The following SPOCK3 variants were observed in gnomAD, a reference collection of about 807,000 sequenced individuals.
SPOCK3 encodes testican-3.
In SPOCK3, 30 loss-of-function variants were observed where a neutral mutation model predicts 56.6. The ratio of observed to expected loss-of-function variants is 0.53; its 90% CI spans 0.40 to 0.72. SPOCK3 has a LOEUF of 0.72. SPOCK3 is among the 30% of genes least tolerant of loss of function. The pLI is 0.00. For synonymous variants in SPOCK3, 196 were observed against 183.3 expected, an observed-to-expected ratio of 1.07 and a Z score of -0.56; for missense variants, 527 against 530.0, an observed-to-expected ratio of 0.99 and a Z score of 0.06.
At chr4:166,984,322 T>C (rs1210027550) in intron 4 of SPOCK3, among the ~76,000 whole-genome samples, 1 of 152,096 alleles carries the variant, frequency 6.6e-6, no homozygotes, top group Non-Finnish European at 1.5e-5. Flanking sequence ...GGAATTAGGA[T>C]ATAAAACATC....
rs934383719 is a variant in SPOCK3 at position 167,017,268 on chromosome 4, C to T, written c.236-16805G>A. Among the ~76,000 whole-genome samples, 4 of 152,082 alleles carry T rather than the reference C, an allele frequency of 2.6e-5. No homozygotes were observed. The East Asian group carries it at 5.8e-4, about 22-fold the overall frequency. The stretch of plus-strand genomic sequence containing the variant: ...TTGTACAGTAACACAGAGGCCATCA[C>T]ACAAAACCGTCCTGGGACAGTCTCA... On this transcript the variant is annotated intron_variant, in intron 3 of 10. Transcript: ENST00000357545.
intron 3 of SPOCK3, among the ~76,000 whole-genome samples, chr4:167,025,803 T>C (rs1040048686): frequency 6.6e-6 from 1 of 152,120 alleles, no homozygotes; most frequent in East Asian, 1.9e-4. Context: ...GGATTTCCTC[T>C]GAGGAATGCA....
chr4:167,102,708 G>T, intron 2 of SPOCK3, among the ~76,000 whole-genome samples: 1 of 151,926 alleles, frequency 6.6e-6, no homozygotes, highest in South Asian at 2.1e-4. Context: ...ACCACTCCTA[G>T]CTAGAGGAGA....
chr4:166,991,575 G>T (rs1489111971), intron 4 of SPOCK3, among the ~76,000 whole-genome samples: 5 of 151,766 alleles, frequency 3.3e-5, no homozygotes, highest in African/African-American at 1.2e-4. Flanking sequence ...TCACCATATT[G>T]GCCAGGCTCA....
intron 2 of SPOCK3, among the ~76,000 whole-genome samples, chr4:167,080,735 T>C (rs950128016): frequency 1.1e-3 from 170 of 151,952 alleles, no homozygotes; most frequent in African/African-American, 4.0e-3. Context: ...GATAGAAAAA[T>C]AAATGGCATG....
At chr4:167,229,709 C>T (rs1464805030) in intron 2 of SPOCK3, among the ~76,000 whole-genome samples, 1 of 152,074 alleles carries the variant, frequency 6.6e-6, no homozygotes. Context: ...AATTTGAGTG[C>T]CTCTGAGACA....
At chr4:167,004,278 T>C (rs1017235861) in intron 3 of SPOCK3, among the ~76,000 whole-genome samples, 1 of 152,056 alleles carries the variant, frequency 6.6e-6, no homozygotes, top group African/African-American at 2.4e-5. Context: ...TTTACAAGAA[T>C]ATAGGACCCA....
At chr4:166,918,058 T>TA (rs1738071641) in intron 4 of SPOCK3, among the ~76,000 whole-genome samples, 1 of 152,138 alleles carries the variant, frequency 6.6e-6, no homozygotes, top group Non-Finnish European at 1.5e-5. Flanking sequence ...AGAGTTGTGG[T>TA]AGGATTATTT....
chr4:166,941,967 A>G (rs1433820063), intron 4 of SPOCK3, among the ~76,000 whole-genome samples: 1 of 152,198 alleles, frequency 6.6e-6, no homozygotes, highest in Non-Finnish European at 1.5e-5. Flanking sequence ...CATCTGACTC[A>G]TAGAAACTGA....
At chr4:166,834,503 A>T (rs2126805840) in intron 6 of SPOCK3, among the ~76,000 whole-genome samples, 1 of 152,340 alleles carries the variant, frequency 6.6e-6, no homozygotes, top group Admixed American at 6.5e-5. Context: ...TCAGGTGAGA[A>T]AATTCAATTG....
At chr4:166,852,527 C>T (rs879890048) in intron 6 of SPOCK3, among the ~76,000 whole-genome samples, 10 of 152,148 alleles carry the variant, frequency 6.6e-5, no homozygotes, top group Non-Finnish European at 1.5e-4. Context: ...CCCTGCTCTA[C>T]TGTGGTTTCC....
intron 5 of SPOCK3, among the ~76,000 whole-genome samples, chr4:166,908,272 TCACACACACA>T (rs5863846): frequency 4.5e-4 from 62 of 138,546 alleles, no homozygotes; most frequent in African/African-American, 1.5e-3. Flanking sequence ...ATGTTATTGT[TCACACACACA>T]CACACACACA....
chr4:166,947,107 T>A (rs1741859049), intron 4 of SPOCK3, among the ~76,000 whole-genome samples: 2 of 152,252 alleles, frequency 1.3e-5, no homozygotes, highest in South Asian at 2.1e-4. Context: ...GAAGTACCCA[T>A]TATTTTACCA....
intron 6 of SPOCK3, among the ~76,000 whole-genome samples, chr4:166,825,689 A>G (rs12511156): frequency 6.6e-6 from 1 of 152,102 alleles, no homozygotes; most frequent in Non-Finnish European, 1.5e-5. Flanking sequence ...CCATAAAAAA[A>G]GTGGTATATT....
At chr4:166,928,841 G>T (rs774275233) in intron 4 of SPOCK3, among the ~76,000 whole-genome samples, 3 of 152,072 alleles carry the variant, frequency 2.0e-5, no homozygotes, top group Non-Finnish European at 2.9e-5. Flanking sequence ...GGTGGTGGGT[G>T]CCCGAAATCC....
chr4:167,134,847 C>A (rs1762986141), intron 2 of SPOCK3, among the ~76,000 whole-genome samples: 1 of 151,874 alleles, frequency 6.6e-6, no homozygotes, highest in Non-Finnish European at 1.5e-5. Context: ...ATTTACCTTC[C>A]TAGCTTGGAT....
intron 6 of SPOCK3, among the ~76,000 whole-genome samples, chr4:166,870,392 C>T (rs1039926697): frequency 6.6e-6 from 1 of 151,938 alleles, no homozygotes; most frequent in Non-Finnish European, 1.5e-5. Flanking sequence ...CAGAATACTC[C>T]ATCCCAAACC....
At chr4:167,073,254 AATAC>A (rs1236270176) in intron 2 of SPOCK3, among the ~76,000 whole-genome samples, 5 of 151,740 alleles carry the variant, frequency 3.3e-5, no homozygotes, top group Non-Finnish European at 5.9e-5. Context: ...ATCAAATATA[AATAC>A]ATACATTTAT....
intron 3 of SPOCK3, among the ~76,000 whole-genome samples, chr4:167,055,295 T>C (rs2150229247): frequency 6.6e-6 from 1 of 152,270 alleles, no homozygotes; most frequent in African/African-American, 2.4e-5. Flanking sequence ...ATTAATAAGC[T>C]TTTGAAAATA....
Sources: gnomAD v4.1 joint callset for allele counts (sites outside exome capture counted in the v4.1 genomes callset) on GRCh38, gnomAD v4.1.1 for gene constraint, MANE v1.5 for transcripts, NCBI Gene and HGNC (gene_info 2026-07-23, HGNC 2026-07-21) for gene names.